The following KIAA1191 variants were observed in gnomAD, a reference collection of about 807,000 sequenced individuals.
KIAA1191 encodes putative monooxygenase p33MONOX.
KIAA1191 carries 22 observed loss-of-function variants against 31.1 expected under a neutral mutation model. The ratio of observed to expected loss-of-function variants is 0.71; its 90% CI spans 0.51 to 1.01. KIAA1191 has a LOEUF of 1.01. Ranked by LOEUF, KIAA1191 falls within the 50% of genes least tolerant of loss-of-function variation. The pLI is 0.00. For synonymous variants in KIAA1191, 130 were observed against 143.9 expected (o/e 0.90, Z 0.69); for missense variants, 319 against 388.0 (o/e 0.82, Z 1.49).
In KIAA1191 at chr5:176,346,374, T is replaced by C. The variant is rs975089568; in HGVS notation, c.*1226A>G. 4 of 152,234 alleles carry C rather than the reference T, an allele frequency of 2.6e-5. No individual in the cohort carries two copies. Among genetic ancestry groups the C allele is most frequent in the African/African-American group, 9.6e-5 (4 of 41,464 alleles). 9.4% of individuals were successfully genotyped at this position (152,234 alleles called of 1,614,324 possible). ...TGCTTTCATACAGAAAATTTTGAAT[T>C]GAGTGACCTCCCCGCACAGGCGTTC... On this transcript the variant is annotated 3_prime_UTR_variant, in exon 9 of 9. Transcript: ENST00000298569.
chr5:176,347,602 AG>A lies in KIAA1191; in HGVS notation c.915del (p.Ter306ArgfsTer33). 2 of 1,494,202 alleles carry A rather than the reference AG, an allele frequency of 1.3e-6. No individual in the cohort carries two copies. The highest frequency in any genetic ancestry group is 1.8e-6 in the Non-Finnish European group (2 of 1,121,752). The allele number at this position is 1,494,202 out of a possible 1,614,324, so 92.6% of individuals were successfully genotyped here. On this transcript the variant is annotated frameshift_variant, in exon 9 of 9. Coordinates refer to ENST00000298569, the MANE Select transcript of KIAA1191 (RefSeq NM_020444.5). LOFTEE classifies it high-confidence loss of function. ...RDLNVLTPTG[F>X] The stretch of plus-strand genomic sequence containing the variant: ...CCAGAATCCCTGGAAAGAGGGCTCT[AG>A]AAGCCAGTGGGTGTGAGCACATTCA...
At chr5:176,354,522 A>G (rs546593007) in intron 4 of KIAA1191, 2 of 152,378 alleles carry the variant, frequency 1.3e-5, no homozygotes, top group Admixed American at 1.3e-4. Context: ...GGCTCCAATA[A>G]TGCGAACCTA....
chr5:176,350,612 C>T lies in KIAA1191; in HGVS notation c.459+1G>A, dbSNP rs756432394. The T allele has an allele frequency of 4.3e-6, 7 of 1,613,256 alleles. No homozygotes were observed. The highest frequency in any genetic ancestry group is 5.9e-6 in the Non-Finnish European group (7 of 1,179,928). On this transcript the variant is annotated splice_donor_variant, in intron 6 of 8. Coordinates refer to ENST00000298569, the MANE Select transcript of KIAA1191 (RefSeq NM_020444.5). LOFTEE classifies it high-confidence loss of function. Reference sequence around the variant, plus strand: ...TTTTTTCAAAGTTCCTAAGAGCTTACGTGGAGTGCTTCGGCCACTCGAAGG... The same window carrying T: ...TTTTTTCAAAGTTCCTAAGAGCTTATGTGGAGTGCTTCGGCCACTCGAAGG...
rs1766599837 is a variant in KIAA1191 at position 176,347,390 on chromosome 5, CG to C, written c.*209del. Reference sequence around the variant, plus strand: ...CTAATTTTTGTATTTTTAGTAGAGACGGGGTTTCACCATGTTGGCCAGGCTG... The same window carrying C: ...CTAATTTTTGTATTTTTAGTAGAGACGGGTTTCACCATGTTGGCCAGGCTG... On this transcript the variant is annotated 3_prime_UTR_variant, in exon 9 of 9. Coordinates refer to ENST00000298569, the MANE Select transcript of KIAA1191 (RefSeq NM_020444.5). 2 of 305,104 alleles carry C rather than the reference CG, an allele frequency of 6.6e-6. No individual in the cohort carries two copies. Among genetic ancestry groups the C allele is most frequent in the African/African-American group, 4.3e-5 (2 of 46,056 alleles). 18.9% of individuals were successfully genotyped at this position (305,104 alleles called of 1,614,324 possible).
chr5:176,359,376 A>G (rs1561762692), intron 3 of KIAA1191, 105 bp downstream of exon 3: 4 of 990,322 alleles, frequency 4.0e-6, no homozygotes, highest in Admixed American at 2.0e-5. Flanking sequence ...CTCGCTTGGT[A>G]GCAGAGATTA....
intron 5 of KIAA1191, among the ~76,000 whole-genome samples, chr5:176,352,132 G>A (rs1328087641): frequency 6.7e-6 from 1 of 150,354 alleles, no homozygotes; most frequent in African/African-American, 2.5e-5. Flanking sequence ...TCCTCTTCCT[G>A]GTAGACCAAC....
rs192608529 is a variant in KIAA1191 at position 176,346,469 on chromosome 5, T to C, written c.*1131A>G. ...TGGCTTCACATGAACCTCAAGACTA[T>C]AATCTAACGGTATCTACCATCTCCT... On this transcript the variant is annotated 3_prime_UTR_variant, in exon 9 of 9. Coordinates refer to ENST00000298569, the MANE Select transcript of KIAA1191 (RefSeq NM_020444.5). The C allele has an allele frequency of 6.6e-6, 1 of 152,392 alleles. No homozygotes were observed. The highest frequency in any genetic ancestry group is 1.9e-4 in the East Asian group (1 of 5,194). The allele number at this position is 152,392 out of a possible 1,614,324, so 9.4% of individuals were successfully genotyped here.
intron 5 of KIAA1191, among the ~76,000 whole-genome samples, chr5:176,352,154 T>TA (rs112644959): frequency 0.033 from 3,803 of 115,656 alleles, 103 homozygotes; most frequent in African/African-American, 0.093. Context: ...TTGAGCTGTT[T>TA]AAAAAAAAAA....
chr5:176,355,734 G>T lies in KIAA1191; in HGVS notation c.44C>A (p.Ala15Glu). 1.9e-6 allele frequency: 3 copies of T among 1,613,944 alleles called. No individual in the cohort carries two copies. In the South Asian group the frequency reaches 3.3e-5, roughly 18 times the overall value. The stretch of plus-strand genomic sequence containing the variant: ...GGGCAGGGACATCTTGCCTAGAGGC[G>T]CACTAGCCTCAAGAGCTAAGAACAG... ...QPEVPALEAS[A>E]PLGKMSLPIG... Residue 15 changes from alanine to glutamate, a missense_variant, in exon 4 of 9, where the codon GCG becomes GAG. Transcript: ENST00000298569. The surrounding 1 kb of genome is among the most constrained non-coding windows in gnomAD (Gnocchi z 4.2).
At chr5:176,354,761 C>CA (rs1767355322) in intron 4 of KIAA1191, among the ~76,000 whole-genome samples, 1 of 152,086 alleles carries the variant, frequency 6.6e-6, no homozygotes. Context: ...GATAAGAGTA[C>CA]AAACCTAGAC....
intron 3 of KIAA1191, among the ~76,000 whole-genome samples, chr5:176,356,507 T>C (rs1767517993): frequency 6.6e-6 from 1 of 152,206 alleles, no homozygotes; most frequent in Admixed American, 6.5e-5. Flanking sequence ...ATCACTGTTC[T>C]GTATGATTTA....
Position 176,347,527 on chromosome 5 carries a change from T to C in KIAA1191, c.*73A>G. 8.1e-7 allele frequency: 1 copy of C among 1,228,204 alleles called. No homozygotes were observed. The highest frequency in any genetic ancestry group is 1.1e-6 in the Non-Finnish European group (1 of 906,500). The allele number at this position is 1,228,204 out of a possible 1,614,324, so 76.1% of individuals were successfully genotyped here. On this transcript the variant is annotated 3_prime_UTR_variant, in exon 9 of 9. Coordinates refer to ENST00000298569, the MANE Select transcript of KIAA1191 (RefSeq NM_020444.5). ...ATTAAGTTTTTAAATATACCTTTCC[T>C]ATGTCAAAGCCAAGGTAAAAGGGGA...
At position 176,355,620 on chromosome 5, in the gene KIAA1191, A is replaced by AT; in HGVS notation, c.157_158insA (p.Val53AspfsTer37). The AT allele has an allele frequency of 6.2e-7, 1 of 1,612,230 alleles. No individual in the cohort carries two copies. The highest frequency in any genetic ancestry group is 8.5e-7 in the Non-Finnish European group (1 of 1,179,722). ...CTCTGGAATCACTGGCTTCCAAGGG[A>AT]CGCTGCCCATGTCCGATGGAGGAGG... is the stretch of plus-strand genomic sequence containing the variant. On this transcript the variant is annotated frameshift_variant, in exon 4 of 9. Transcript: ENST00000298569. LOFTEE classifies it high-confidence loss of function. This position sits in a 1 kb window ranked among gnomAD's most constrained non-coding sequence, Gnocchi z 4.2.
At chr5:176,359,718 T>TAA (rs1395762465) in intron 2 of KIAA1191, 93 bp downstream of exon 2, 18 of 541,988 alleles carry the variant, frequency 3.3e-5, no homozygotes, top group Non-Finnish European at 4.8e-5. Context: ...AAAAGAAGGA[T>TAA]AAAGTCAAAC....
chr5:176,355,220 T>C lies in KIAA1191; in HGVS notation c.207+351A>G, dbSNP rs1296147582. Among the ~76,000 whole-genome samples the C allele has an allele frequency of 1.3e-5, 2 of 151,904 alleles. No individual in the cohort carries two copies. The highest frequency in any genetic ancestry group is 6.6e-5 in the Admixed American group (1 of 15,262). On this transcript the variant is annotated intron_variant, in intron 4 of 8. Transcript: ENST00000298569. The surrounding 1 kb of genome is among the most constrained non-coding windows in gnomAD (Gnocchi z 4.2). ...GTCTCAGGAGCAGACAAGGCCATTC[T>C]AGTTTTGAATTAAAAAGAAAAAAAA...
intron 2 of KIAA1191, 60 bp from the exon 3 acceptor site, chr5:176,359,627 C>T: frequency 1.2e-6 from 1 of 817,260 alleles, no homozygotes. Context: ...GTTCTTCTGG[C>T]AGGCACACAG....
At chr5:176,360,807 A>G (rs1767934359) in intron 1 of KIAA1191, among the ~76,000 whole-genome samples, 1 of 151,826 alleles carries the variant, frequency 6.6e-6, no homozygotes, top group African/African-American at 2.4e-5. Flanking sequence ...TCTCAAAAAT[A>G]AAAATTAAAA....
chr5:176,359,982 C>G (rs1767854905), intron 1 of KIAA1191, 64 bp from the exon 2 acceptor site: 1 of 162,478 alleles, frequency 6.2e-6, no homozygotes. Context: ...CTTGTTTATT[C>G]CCCACAACAA....
intron 6 of KIAA1191, among the ~76,000 whole-genome samples, chr5:176,348,562 ACAC>A (rs1228213460): frequency 6.7e-6 from 1 of 149,122 alleles, no homozygotes; most frequent in East Asian, 2.0e-4. Context: ...TGTTCATTCT[ACAC>A]TATATCATGA....
Sources: allele counts gnomAD v4.1 joint callset (sites outside exome capture counted in the v4.1 genomes callset), GRCh38; gene constraint gnomAD v4.1.1; non-coding constraint Gnocchi (gnomAD v3.1); transcripts MANE v1.5; gene names NCBI Gene and HGNC (gene_info 2026-07-23, HGNC 2026-07-21).